EXTL1: variants seen among roughly 807,000 people sequenced by gnomAD.
EXTL1 encodes the protein exostosin-like 1.
A neutral mutation model predicts 64.6 loss-of-function variants in EXTL1; 43 were observed. The ratio of observed to expected loss-of-function variants is 0.67; its 90% CI spans 0.52 to 0.86. EXTL1 has a LOEUF of 0.86. Ranked by LOEUF, EXTL1 falls within the 40% of genes least tolerant of loss-of-function variation. The pLI is 0.00. For synonymous variants in EXTL1, 352 were observed against 360.5 expected (o/e 0.98, Z 0.27); for missense variants, 766 against 879.0 (o/e 0.87, Z 1.62).
At position 26,023,477 on chromosome 1, in the gene EXTL1, G is replaced by A. The variant is rs373966507; in HGVS notation, c.779+52G>A. 222 of 1,392,152 alleles carry A rather than the reference G, an allele frequency of 1.6e-4. 1 individual carries two copies. The African/African-American group carries it at 2.9e-3, about 18-fold the overall frequency. The allele number at this position is 1,392,152 out of a possible 1,614,324, so 86.2% of individuals were successfully genotyped here. ...TGGATGGGAGGGGGCTGGAATAGACGCAAGCCCAAAAACGAGGGTAGAAGG... is the reference window on the plus strand; with the variant it reads ...TGGATGGGAGGGGGCTGGAATAGACACAAGCCCAAAAACGAGGGTAGAAGG... On this transcript the variant is annotated intron_variant, in intron 1 of 10. Coordinates refer to ENST00000374280, the MANE Select transcript of EXTL1 (RefSeq NM_004455.3).
chr1:26,034,704 G>A lies in EXTL1; in HGVS notation c.1680-132G>A. 1.2e-6 allele frequency: 1 copy of A among 845,916 alleles called. No individual in the cohort carries two copies. The highest frequency in any genetic ancestry group is 1.9e-6 in the Non-Finnish European group (1 of 528,754). 52.4% of individuals were successfully genotyped at this position (845,916 alleles called of 1,614,324 possible). On this transcript the variant is annotated intron_variant, in intron 9 of 10. Coordinates refer to ENST00000374280, the MANE Select transcript of EXTL1 (RefSeq NM_004455.3). The surrounding 1 kb of genome is among the most constrained non-coding windows in gnomAD (Gnocchi z 4.6). ...AGAGCTGTTCACGCCAGGGATGGGA[G>A]CTCTCTGAGGCAGCCAGGGCTCAGA...
chr1:26,025,424 G>A lies in EXTL1; in HGVS notation c.779+1999G>A, dbSNP rs76765513. Among the ~76,000 whole-genome samples the A allele has an allele frequency of 0.044, 6,729 of 152,216 alleles. 528 individuals are homozygous for A. The highest frequency in any genetic ancestry group is 0.15 in the African/African-American group (6,276 of 41,498). Reference sequence around the variant, plus strand: ...GAGGTATTATTATCTCCATTTCAGGGTATGGAAAACTGAGGCCCAGAGAGG... The same window carrying A: ...GAGGTATTATTATCTCCATTTCAGGATATGGAAAACTGAGGCCCAGAGAGG... On this transcript the variant is annotated intron_variant, in intron 1 of 10. Transcript: ENST00000374280. The surrounding 1 kb of genome is among the most constrained non-coding windows in gnomAD (Gnocchi z 5.3).
rs536755475 is a variant in EXTL1 at position 26,035,897 on chromosome 1, A to G, written c.*550A>G. 4 of 152,626 alleles carry G rather than the reference A, an allele frequency of 2.6e-5. No homozygotes were observed. Among genetic ancestry groups the G allele is most frequent in the African/African-American group, 9.6e-5 (4 of 41,560 alleles). The allele number at this position is 152,626 out of a possible 1,614,324, so 9.5% of individuals were successfully genotyped here. On this transcript the variant is annotated 3_prime_UTR_variant, in exon 11 of 11. Coordinates refer to ENST00000374280, the MANE Select transcript of EXTL1 (RefSeq NM_004455.3). This position sits in a 1 kb window ranked among gnomAD's most constrained non-coding sequence, Gnocchi z 5.3. ...GCGGCGGGACAGGGTGAGCGGAGAG[A>G]CAGAACTGTCCCCGCCCCACCCCGC...
Position 26,029,215 on chromosome 1 carries a change from C to A in EXTL1, c.802C>A (p.Pro268Thr), listed in dbSNP as rs202188052. The A allele has an allele frequency of 9.2e-5, 149 of 1,613,716 alleles. No individual in the cohort carries two copies. Among genetic ancestry groups the A allele is most frequent in the Non-Finnish European group, 1.2e-4 (142 of 1,179,800 alleles). ...TAGGACCCAGCGCCAGGAGACGCTG[C>A]CCAATGCCACCTTCTGCCTCATCTC... is the stretch of plus-strand genomic sequence containing the variant. The part of the protein sequence containing the change: ...PGQTQRQETL[P>T]NATFCLISGH... The change falls in exon 2 of 11, where the codon CCC becomes ACC. Residue 268 changes from proline (P) to threonine (T), a missense_variant. This residue lies in a region of EXTL1 where 571 missense variants were observed against 647.6 expected (regional missense o/e 0.88). Transcript: ENST00000374280.
At chr1:26,030,889 T>C (rs1206097296) in intron 4 of EXTL1, among the ~76,000 whole-genome samples, 1 of 151,974 alleles carries the variant, frequency 6.6e-6, no homozygotes, top group Non-Finnish European at 1.5e-5. Context: ...GGATTCTGAG[T>C]CCTGAAAGAA....
At position 26,035,519 on chromosome 1, in the gene EXTL1, C is replaced by T. The variant is rs2050330776; in HGVS notation, c.*172C>T. The T allele has an allele frequency of 4.0e-6, 2 of 503,834 alleles. No individual in the cohort carries two copies. The highest frequency in any genetic ancestry group is 3.4e-5 in the Admixed American group (1 of 29,260). The allele number at this position is 503,834 out of a possible 1,614,324, so 31.2% of individuals were successfully genotyped here. On this transcript the variant is annotated 3_prime_UTR_variant, in exon 11 of 11. Coordinates refer to ENST00000374280, the MANE Select transcript of EXTL1 (RefSeq NM_004455.3). This position sits in a 1 kb window ranked among gnomAD's most constrained non-coding sequence, Gnocchi z 5.3. ...CAACAGGGGGGCGTGGCCTTACCTTCTCCTGCTCGCCCTCAGCCGCGGAGC... is the reference window on the plus strand; with the variant it reads ...CAACAGGGGGGCGTGGCCTTACCTTTTCCTGCTCGCCCTCAGCCGCGGAGC...
At chr1:26,024,620 C>T (rs1433101176) in intron 1 of EXTL1, among the ~76,000 whole-genome samples, 1 of 152,084 alleles carries the variant, frequency 6.6e-6, no homozygotes, top group Non-Finnish European at 1.5e-5. Flanking sequence ...CCGGTCAGCC[C>T]CAGGGTCCTT....
rs75137304 is a variant in EXTL1 at position 26,032,995 on chromosome 1, C to G, written c.1432-234C>G. On this transcript the variant is annotated intron_variant, in intron 7 of 10. Transcript: ENST00000374280. ...GGAAGGGCCCCTAGAGACCAACTGC[C>G]CCATTTGACCAAAGGGGAAACTGAG... 5.2e-3 allele frequency among the ~76,000 whole-genome samples: 786 copies of G among 152,290 alleles called. 6 individuals carry two copies. The highest frequency in any genetic ancestry group is 0.017 in the African/African-American group (723 of 41,552).
chr1:26,022,574 G>GC lies in EXTL1; in HGVS notation c.-69dup, dbSNP rs1478673224. Reference sequence around the variant, plus strand: ...AGGTCGGTCCCAGCTCTGGTCTCCCGCCCCAGGCCCTGCTCTTCCTGCTTG... The same window carrying GC: ...AGGTCGGTCCCAGCTCTGGTCTCCCGCCCCCAGGCCCTGCTCTTCCTGCTTG... On this transcript the variant is annotated 5_prime_UTR_variant, in exon 1 of 11. Coordinates refer to ENST00000374280, the MANE Select transcript of EXTL1 (RefSeq NM_004455.3). 2.2e-6 allele frequency: 3 copies of GC among 1,337,586 alleles called. No homozygotes were observed. Among genetic ancestry groups the GC allele is most frequent in the Non-Finnish European group, 3.1e-6 (3 of 968,794 alleles). 82.9% of individuals were successfully genotyped at this position (1,337,586 alleles called of 1,614,324 possible). A position where few individuals can be genotyped will look rare whatever the true frequency, so the allele number is the denominator to read the frequency against.
chr1:26,029,325 C>T lies in EXTL1; in HGVS notation c.873+39C>T, dbSNP rs749924954. ...TTGAGCATCACCCATCCTCTGTCCC[C>T]CAGCACTCATGAGCTGGCAGGGTAC... On this transcript the variant is annotated intron_variant, in intron 2 of 10. Transcript: ENST00000374280. The T allele has an allele frequency of 9.8e-6, 15 of 1,531,844 alleles. No individual in the cohort carries two copies. The South Asian group carries it at 1.6e-4, about 16-fold the overall frequency. The allele number at this position is 1,531,844 out of a possible 1,614,324, so 94.9% of individuals were successfully genotyped here.
In EXTL1 at chr1:26,031,258, C is replaced by T. The variant is rs771475086; in HGVS notation, c.1228C>T (p.Gln410Ter). The T allele has an allele frequency of 4.2e-5, 68 of 1,613,512 alleles. No homozygotes were observed. The highest frequency in any genetic ancestry group is 5.8e-5 in the Non-Finnish European group (68 of 1,179,830). The change falls in exon 5 of 11, where the codon CAA (glutamine) becomes TAA (stop). Residue 410 changes from glutamine to a stop codon, truncating the protein, a stop_gained. Coordinates refer to ENST00000374280, the MANE Select transcript of EXTL1 (RefSeq NM_004455.3). LOFTEE classifies it high-confidence loss of function. ...CCAGGACTTCCCCTTCTACTACCTGCAACAGGGTATGCCCTGGGGATGGGA... is the reference window on the plus strand; with the variant it reads ...CCAGGACTTCCCCTTCTACTACCTGTAACAGGGTATGCCCTGGGGATGGGA... ...SPQDFPFYYL[Q>*]QGSRPEGRFS...
chr1:26,032,193 C>T lies in EXTL1; in HGVS notation c.1342-203C>T, dbSNP rs1451114418. On this transcript the variant is annotated intron_variant, in intron 6 of 10. Transcript: ENST00000374280. ...CCACAGGTCACTACCCTCATGTCAC[C>T]AGAATCCCTGCCTTCTACAAGCCCA... 5.5e-6 allele frequency: 3 copies of T among 542,200 alleles called. No individual in the cohort carries two copies. The East Asian group carries it at 9.3e-5, about 17-fold the overall frequency. 33.6% of individuals were successfully genotyped at this position (542,200 alleles called of 1,614,324 possible).
intron 1 of EXTL1, among the ~76,000 whole-genome samples, chr1:26,026,261 C>A (rs947429178): frequency 1.4e-5 from 2 of 143,848 alleles, no homozygotes; most frequent in African/African-American, 2.6e-5. Flanking sequence ...AAAAAAAAGG[C>A]AGAATTAAAA....
At position 26,033,148 on chromosome 1, in the gene EXTL1, G is replaced by A. The variant is rs1158080395; in HGVS notation, c.1432-81G>A. 1 of 993,598 alleles carries A rather than the reference G, an allele frequency of 1.0e-6. No homozygotes were observed. 61.5% of individuals were successfully genotyped at this position (993,598 alleles called of 1,614,324 possible). A position where few individuals can be genotyped will look rare whatever the true frequency, so the allele number is the denominator to read the frequency against. On this transcript the variant is annotated intron_variant, in intron 7 of 10. Transcript: ENST00000374280. The surrounding 1 kb of genome is among the most constrained non-coding windows in gnomAD (Gnocchi z 5.1). ...TATTCATGGCTCAGGCGTCTACACTGTGCCTGAATGGCTCCTACTTATTGG... is the reference window on the plus strand; with the variant it reads ...TATTCATGGCTCAGGCGTCTACACTATGCCTGAATGGCTCCTACTTATTGG...
In EXTL1 at chr1:26,031,485, C is replaced by T. The variant is rs772462842; in HGVS notation, c.1260C>T (p.Ser420=). Residue 420 remains serine, a synonymous_variant, in exon 6 of 11, where the codon AGC becomes AGT. Coordinates refer to ENST00000374280, the MANE Select transcript of EXTL1 (RefSeq NM_004455.3). ...GCTCCCGCCCTGAGGGCAGATTCAG[C>T]GCCCTGATCTGGGTGGGGCCCCCAG... ...QQGSRPEGRF[S]ALIWVGPPGQ... is the part of the protein sequence containing the mutation. The T allele has an allele frequency of 2.4e-5, 38 of 1,592,032 alleles. No individual in the cohort carries two copies. In the East Asian group the frequency reaches 3.9e-4, roughly 16 times the overall value.
intron 7 of EXTL1, 33 bp downstream of exon 7, chr1:26,032,518 G>A (rs1171384911): frequency 6.6e-7 from 1 of 1,511,970 alleles, no homozygotes; most frequent in Non-Finnish European, 9.0e-7. Context: ...AAAGGGGTGG[G>A]CCCATGCTGG....
Position 26,034,320 on chromosome 1 carries a change from G to C in EXTL1, c.1679+464G>C, listed in dbSNP as rs2050316509. On this transcript the variant is annotated intron_variant, in intron 9 of 10. Coordinates refer to ENST00000374280, the MANE Select transcript of EXTL1 (RefSeq NM_004455.3). The surrounding 1 kb of genome is among the most constrained non-coding windows in gnomAD (Gnocchi z 4.6). ...AATTCTGTAAGACCTCTTTAGAGGGGTTCCTTAAACATGTTTAAATCAAAT... is the reference window on the plus strand; with the variant it reads ...AATTCTGTAAGACCTCTTTAGAGGGCTTCCTTAAACATGTTTAAATCAAAT... Among the ~76,000 whole-genome samples, 1 of 152,202 alleles carries C rather than the reference G, an allele frequency of 6.6e-6. No homozygotes were observed. Among genetic ancestry groups the C allele is most frequent in the Non-Finnish European group, 1.5e-5 (1 of 68,040 alleles).
rs1240904104 is a variant in EXTL1 at position 26,025,252 on chromosome 1, C to T, written c.779+1827C>T. Among the ~76,000 whole-genome samples, 1 of 152,212 alleles carries T rather than the reference C, an allele frequency of 6.6e-6. No individual in the cohort carries two copies. Among genetic ancestry groups the T allele is most frequent in the Admixed American group, 6.5e-5 (1 of 15,282 alleles). ...CCTGGCCAGAGAAAGAGGCCATTCA[C>T]AGTCCCTGCCACCTCCCCACATTCA... On this transcript the variant is annotated intron_variant, in intron 1 of 10. Transcript: ENST00000374280. This position sits in a 1 kb window ranked among gnomAD's most constrained non-coding sequence, Gnocchi z 5.3.
chr1:26,034,783 G>C lies in EXTL1; in HGVS notation c.1680-53G>C. The C allele has an allele frequency of 6.4e-7, 1 of 1,570,730 alleles. No homozygotes were observed. Among genetic ancestry groups the C allele is most frequent in the Non-Finnish European group, 8.7e-7 (1 of 1,148,086 alleles). On this transcript the variant is annotated intron_variant, in intron 9 of 10. Transcript: ENST00000374280. This position sits in a 1 kb window ranked among gnomAD's most constrained non-coding sequence, Gnocchi z 4.6. ...GTGAGGTCAGGAGGGAGGAGAATGG[G>C]GCCTGGGGATGGATTTGGCTGCAGC... is the stretch of plus-strand genomic sequence containing the variant.
Sources: allele counts gnomAD v4.1 joint callset (sites outside exome capture counted in the v4.1 genomes callset), GRCh38; gene constraint gnomAD v4.1.1; regional missense constraint gnomAD v4.1.1; non-coding constraint Gnocchi (gnomAD v3.1); transcripts MANE v1.5; gene names NCBI Gene and HGNC (gene_info 2026-07-23, HGNC 2026-07-21).